Variants in MSI2 observed in about 807,000 individuals in gnomAD.
MSI2 encodes RNA-binding protein Musashi homolog 2.
Under a neutral mutation model 45.6 loss-of-function variants are expected in MSI2, and 17 were observed. The observed-to-expected ratio is 0.37, with a 90% CI of 0.26 to 0.56. The LOEUF (loss-of-function observed/expected upper bound fraction) is 0.56. Among genes scored for constraint, MSI2 ranks in the 20% least tolerant of loss-of-function variants. The pLI is 0.77. For missense variants in MSI2, 293 were observed against 444.2 expected (o/e 0.66, Z 3.06); for synonymous variants, 156 against 158.2 (o/e 0.99, Z 0.11).
At chr17:57,321,786 C>T (rs1448904290) in intron 5 of MSI2, among the ~76,000 whole-genome samples, 1 of 152,040 alleles carries the variant, frequency 6.6e-6, no homozygotes, top group African/African-American at 2.4e-5. Context: ...GCAACTTTGC[C>T]ATGGATTTAA....
At chr17:57,285,849 G>A (rs1258945714) in intron 5 of MSI2, 1 of 1,494,676 alleles carries the variant, frequency 6.7e-7, no homozygotes, top group Non-Finnish European at 8.9e-7. Flanking sequence ...CTCACTTTCT[G>A]TTGTGTAGTT....
chr17:57,599,170 C>T (rs543528337), intron 8 of MSI2, among the ~76,000 whole-genome samples: 2 of 152,124 alleles, frequency 1.3e-5, no homozygotes, highest in African/African-American at 2.4e-5. Flanking sequence ...AGATGTAGAC[C>T]GGAAGGACAT....
At chr17:57,644,934 G>T (rs553622804) in intron 10 of MSI2, among the ~76,000 whole-genome samples, 1 of 152,048 alleles carries the variant, frequency 6.6e-6, no homozygotes, top group Non-Finnish European at 1.5e-5. Context: ...GTAGCAACTG[G>T]GCCAGAACCA....
At chr17:57,624,585 G>A (rs541886554) in intron 9 of MSI2, among the ~76,000 whole-genome samples, 1 of 152,296 alleles carries the variant, frequency 6.6e-6, no homozygotes, top group African/African-American at 2.4e-5. Context: ...GTGCAGAGCT[G>A]CTGGGTCCTT....
At chr17:57,268,873 C>T in intron 5 of MSI2, among the ~76,000 whole-genome samples, 1 of 152,218 alleles carries the variant, frequency 6.6e-6, no homozygotes, top group South Asian at 2.1e-4. Flanking sequence ...AACACCCCAT[C>T]CTTAGCCCTT....
intron 7 of MSI2, among the ~76,000 whole-genome samples, chr17:57,541,151 TAGAG>T (rs55999583): frequency 1.8e-3 from 267 of 148,978 alleles, no homozygotes; most frequent in African/African-American, 5.4e-3. Context: ...TACATTTTGG[TAGAG>T]AGAGAGAGAG....
intron 6 of MSI2, chr17:57,450,304 A>C (rs575083526): frequency 1.1e-4 from 16 of 140,642 alleles, no homozygotes; most frequent in African/African-American, 3.6e-4. Context: ...AGAAAGAAAG[A>C]AAGAAAGAAA....
intron 5 of MSI2, among the ~76,000 whole-genome samples, chr17:57,347,797 C>T (rs1450207422): frequency 6.6e-6 from 1 of 152,236 alleles, no homozygotes; most frequent in Non-Finnish European, 1.5e-5. Context: ...CTTCTCAAGT[C>T]ATTTCAGCGA....
chr17:57,403,342 C>T (rs890025540), intron 6 of MSI2, among the ~76,000 whole-genome samples: 2 of 152,162 alleles, frequency 1.3e-5, no homozygotes, highest in Non-Finnish European at 2.9e-5. Context: ...TAACACTTAT[C>T]ATTGTGACCC....
At chr17:57,393,191 G>C (rs1384836906) in intron 5 of MSI2, among the ~76,000 whole-genome samples, 1 of 152,176 alleles carries the variant, frequency 6.6e-6, no homozygotes, top group Non-Finnish European at 1.5e-5. Context: ...TCAAAAATCT[G>C]AAACTTTTTG....
Position 57,529,557 on chromosome 17 carries a change from G to A in MSI2, c.406-119G>A, listed in dbSNP as rs1485526617. The A allele has an allele frequency of 9.8e-6, 8 of 815,108 alleles. No individual in the cohort carries two copies. The East Asian group carries it at 1.7e-4, about 17-fold the overall frequency. 50.5% of individuals were successfully genotyped at this position (815,108 alleles called of 1,614,324 possible). On this transcript the variant is annotated intron_variant, in intron 6 of 13. Transcript: ENST00000284073. The surrounding 1 kb of genome is among the most constrained non-coding windows in gnomAD (Gnocchi z 5.3). ...TTTTTTGCATTTTCAAATATTTTTT[G>A]ATAAGCAACTATTACTTCTGTAATG...
At chr17:57,256,401 A>T (rs1906710440), upstream of MSI2, 1 of 160,520 alleles carries the variant, frequency 6.2e-6, no homozygotes, top group Admixed American at 6.5e-5. Flanking sequence ...CATTGGTTAC[A>T]CGACGTTCTA....
intron 11 of MSI2, among the ~76,000 whole-genome samples, chr17:57,659,069 T>C (rs1477214249): frequency 6.6e-6 from 1 of 151,310 alleles, no homozygotes; most frequent in African/African-American, 2.4e-5. Flanking sequence ...GGTTGGTTGG[T>C]TGGTTGGTTG....
intron 6 of MSI2, among the ~76,000 whole-genome samples, chr17:57,519,094 G>A (rs2086530875): frequency 6.6e-6 from 1 of 152,116 alleles, no homozygotes; most frequent in African/African-American, 2.4e-5. Flanking sequence ...ACCTCTCACC[G>A]GGAGACTCTG....
intron 5 of MSI2, 90 bp downstream of exon 5, chr17:57,262,282 G>A: frequency 8.7e-6 from 12 of 1,372,120 alleles, no homozygotes; most frequent in Non-Finnish European, 1.2e-5. Context: ...ATGAACTGTT[G>A]AAGCCTGGTA....
At chr17:57,622,511 C>G (rs1209263777) in intron 9 of MSI2, among the ~76,000 whole-genome samples, 1 of 152,146 alleles carries the variant, frequency 6.6e-6, no homozygotes, top group Non-Finnish European at 1.5e-5. Context: ...AAGCTTCACC[C>G]TAGCAGGCCC....
intron 6 of MSI2, among the ~76,000 whole-genome samples, chr17:57,508,194 C>T (rs1463100540): frequency 1.3e-5 from 2 of 152,118 alleles, no homozygotes; most frequent in Non-Finnish European, 2.9e-5. Flanking sequence ...GCCTGTGGCC[C>T]GCTATTGGCT....
At chr17:57,693,971 T>C in the MSI2 span, among the ~76,000 whole-genome samples, 27 of 152,346 alleles carry the variant, frequency 1.8e-4, no homozygotes, top group African/African-American at 5.5e-4. Flanking sequence ...AGAAGAATAG[T>C]AATTATACAA....
At chr17:57,348,630 C>T (rs903936945) in intron 5 of MSI2, among the ~76,000 whole-genome samples, 1 of 152,156 alleles carries the variant, frequency 6.6e-6, no homozygotes, top group Non-Finnish European at 1.5e-5. Context: ...CCCCCTCCGC[C>T]ATGATTAGAA....
Sources: gnomAD v4.1 joint callset for allele counts (sites outside exome capture counted in the v4.1 genomes callset) on GRCh38, gnomAD v4.1.1 for gene constraint, Gnocchi (gnomAD v3.1) non-coding constraint, MANE v1.5 for transcripts, NCBI Gene and HGNC (gene_info 2026-07-23, HGNC 2026-07-21) for gene names.